The following ADARB2 variants were observed in gnomAD, a reference collection of about 807,000 sequenced individuals.
ADARB2 encodes the protein adenosine deaminase RNA specific B2 (inactive).
A neutral mutation model predicts 62.2 loss-of-function variants in ADARB2; 25 were observed. The ratio of observed to expected loss-of-function variants is 0.40; its 90% CI spans 0.29 to 0.56. The LOEUF (loss-of-function observed/expected upper bound fraction) is 0.56, where lower values mean the gene tolerates loss of function less well. Among genes scored for constraint, ADARB2 ranks in the 20% least tolerant of loss-of-function variants. The pLI is 0.43. For synonymous variants in ADARB2, 572 were observed against 500.8 expected, an observed-to-expected ratio of 1.14 and a Z score of -1.90; for missense variants, 1,071 against 1,077.4, an observed-to-expected ratio of 0.99 and a Z score of 0.08.
intron 1 of ADARB2, among the ~76,000 whole-genome samples, chr10:1,596,622 G>A (rs901189171): frequency 7.2e-5 from 11 of 152,184 alleles, no homozygotes; most frequent in Non-Finnish European, 1.5e-4. Context: ...GGGAGGTGCC[G>A]AGGATGGACC....
intron 1 of ADARB2, among the ~76,000 whole-genome samples, chr10:1,643,487 G>T (rs1035859402): frequency 1.3e-5 from 2 of 152,200 alleles, no homozygotes; most frequent in African/African-American, 4.8e-5. Context: ...TGATGGTGGG[G>T]GGCTAGGGTT....
chr10:1,678,381 G>A (rs1588349547), intron 1 of ADARB2: 7 of 972,474 alleles, frequency 7.2e-6, no homozygotes, highest in Admixed American at 6.2e-5. Context: ...GAGCATCCTC[G>A]GGCTGAGTGT....
chr10:1,388,925 C>T lies in ADARB2; in HGVS notation c.101-9765G>A, dbSNP rs182621273. ...CAATATTGATACTGCAGAACAAATA[C>T]AATGTAGTAATGGCGTAAGGCTAGA... On this transcript the variant is annotated intron_variant, in intron 1 of 9. Transcript: ENST00000381312. Among the ~76,000 whole-genome samples, 159 of 152,140 alleles carry T rather than the reference C, an allele frequency of 1.0e-3. 3 individuals carry two copies. Among genetic ancestry groups the T allele is most frequent in the Admixed American group, 9.5e-3 (145 of 15,282 alleles).
chr10:1,469,267 C>T (rs1196874560), intron 1 of ADARB2, among the ~76,000 whole-genome samples: 5 of 152,244 alleles, frequency 3.3e-5, no homozygotes, highest in African/African-American at 7.2e-5. Flanking sequence ...CGCACGGCTC[C>T]GGGAGGTCAC....
intron 1 of ADARB2, among the ~76,000 whole-genome samples, chr10:1,635,647 C>T (rs779162404): frequency 2.0e-5 from 3 of 152,242 alleles, no homozygotes; most frequent in African/African-American, 4.8e-5. Flanking sequence ...CCACTGTCTT[C>T]ATCTCCCTTC....
intron 1 of ADARB2, among the ~76,000 whole-genome samples, chr10:1,411,755 C>G (rs1193776334): frequency 6.6e-6 from 1 of 152,174 alleles, no homozygotes; most frequent in East Asian, 1.9e-4. Context: ...TCCTGAAACG[C>G]CATTTACGAA....
intron 4 of ADARB2, among the ~76,000 whole-genome samples, chr10:1,245,482 C>T (rs1396789772): frequency 1.5e-5 from 2 of 135,090 alleles, no homozygotes; most frequent in African/African-American, 5.4e-5. Context: ...TGCTATTCCT[C>T]CCCCCTCCCC....
chr10:1,343,158 C>T (rs1832045670), intron 3 of ADARB2, among the ~76,000 whole-genome samples: 1 of 152,084 alleles, frequency 6.6e-6, no homozygotes, highest in Admixed American at 6.6e-5. Flanking sequence ...GAAGCCTGTA[C>T]ATAAAAACCA....
intron 1 of ADARB2, among the ~76,000 whole-genome samples, chr10:1,567,299 C>T (rs1335811350): frequency 1.3e-5 from 2 of 152,140 alleles, no homozygotes; most frequent in Non-Finnish European, 2.9e-5. Flanking sequence ...CTGAGATGAC[C>T]CAGTACTTTC....
intron 1 of ADARB2, among the ~76,000 whole-genome samples, chr10:1,688,777 G>C (rs921331314): frequency 3.9e-5 from 6 of 152,182 alleles, no homozygotes. Flanking sequence ...ACTCAACCCT[G>C]ACCCTGTCTC....
At chr10:1,193,570 G>T (rs1310092467) in intron 8 of ADARB2, among the ~76,000 whole-genome samples, 3 of 152,258 alleles carry the variant, frequency 2.0e-5, no homozygotes, top group African/African-American at 7.2e-5. Context: ...TTGCTCTTCA[G>T]TCGGCATTAC....
intron 3 of ADARB2, among the ~76,000 whole-genome samples, chr10:1,280,505 T>C (rs73594110): frequency 0.01 from 1,537 of 152,334 alleles, 20 homozygotes; most frequent in African/African-American, 0.032. Context: ...TGTTGAGTGC[T>C]GGAGAAAATT....
At chr10:1,578,568 C>T (rs1374757648) in intron 1 of ADARB2, among the ~76,000 whole-genome samples, 1 of 152,028 alleles carries the variant, frequency 6.6e-6, no homozygotes, top group East Asian at 1.9e-4. Flanking sequence ...CTGGAGGCTC[C>T]CCTGGCAGCC....
chr10:1,696,154 A>ATGTG (rs763437703), intron 1 of ADARB2, among the ~76,000 whole-genome samples: 4 of 148,656 alleles, frequency 2.7e-5, no homozygotes, highest in South Asian at 2.2e-4. Context: ...TATTGTGTGT[A>ATGTG]TGTGTTTGCA....
chr10:1,661,779 C>T (rs927376423), intron 1 of ADARB2, among the ~76,000 whole-genome samples: 12 of 152,204 alleles, frequency 7.9e-5, no homozygotes, highest in Non-Finnish European at 1.8e-4. Context: ...ACAGATACTT[C>T]AGGCACTGAC....
At chr10:1,242,438 G>A (rs1349437660) in intron 4 of ADARB2, 139 bp from the exon 5 acceptor site, 4 of 1,196,254 alleles carry the variant, frequency 3.3e-6, no homozygotes, top group African/African-American at 3.1e-5. Context: ...GCTGGGAAGC[G>A]AGGCTTCTGT....
At chr10:1,272,917 C>T (rs1370646600) in intron 3 of ADARB2, among the ~76,000 whole-genome samples, 1 of 152,226 alleles carries the variant, frequency 6.6e-6, no homozygotes, top group Non-Finnish European at 1.5e-5. Flanking sequence ...GTGCTGCCTC[C>T]TGAGGCTCTG....
At chr10:1,306,100 G>A (rs1831625218) in intron 3 of ADARB2, among the ~76,000 whole-genome samples, 1 of 151,716 alleles carries the variant, frequency 6.6e-6, no homozygotes, top group Non-Finnish European at 1.5e-5. Flanking sequence ...ATTCAATTAG[G>A]AAAAGAGGAA....
At chr10:1,214,510 ACCTGTACCCAGCGTCG>A (rs1435888131) in intron 7 of ADARB2, among the ~76,000 whole-genome samples, 4 of 144,844 alleles carry the variant, frequency 2.8e-5, no homozygotes, top group African/African-American at 5.2e-5. Flanking sequence ...GTAGGTTTGC[ACCTGTACCCAGCGTCG>A]CGTGGGTTTG....
Sources: gnomAD v4.1 joint callset for allele counts (sites outside exome capture counted in the v4.1 genomes callset) on GRCh38, gnomAD v4.1.1 for gene constraint, MANE v1.5 for transcripts, NCBI Gene and HGNC (gene_info 2026-07-23, HGNC 2026-07-21) for gene names.